The following U2SURP variants were observed in gnomAD, a reference collection of about 807,000 sequenced individuals.
U2SURP encodes U2 snRNP-associated SURP motif-containing protein.
In U2SURP, 9 loss-of-function variants were observed where a neutral mutation model predicts 144.9. The observed-to-expected ratio is 0.06, with a 90% CI of 0.04 to 0.11. U2SURP has a LOEUF of 0.11. Ranked by LOEUF, U2SURP falls within the 10% of genes least tolerant of loss-of-function variation. The pLI, the probability that U2SURP is intolerant of heterozygous loss-of-function variation, is 1.00. For missense variants in U2SURP, 724 were observed against 1,226.7 expected, an observed-to-expected ratio of 0.59 and a Z score of 6.12; for synonymous variants, 408 against 396.8, an observed-to-expected ratio of 1.03 and a Z score of -0.33.
Position 143,036,032 on chromosome 3 carries a change from A to T in U2SURP, c.1992A>T (p.Pro664=). The T allele has an allele frequency of 6.2e-7, 1 of 1,610,790 alleles. No individual in the cohort carries two copies. The highest frequency in any genetic ancestry group is 8.5e-7 in the Non-Finnish European group (1 of 1,178,906). Residue 664 remains proline, a synonymous_variant, in exon 20 of 28, where the codon CCA becomes CCT. Coordinates refer to ENST00000473835, the MANE Select transcript of U2SURP (RefSeq NM_001080415.2). ...CATGGGAAGATTGGGCAATTTATCC[A>T]GAACCATTTTTGATCAAACTACAAA... ...FRAWEDWAIY[P]EPFLIKLQNI... is the part of the protein sequence containing the mutation.
intron 23 of U2SURP, among the ~76,000 whole-genome samples, chr3:143,039,805 A>C (rs532967722): frequency 5.9e-5 from 9 of 152,030 alleles, no homozygotes; most frequent in African/African-American, 1.9e-4. Flanking sequence ...AATGTGATCA[A>C]TCAGCAGGCT....
chr3:143,012,646 T>C (rs986644279), intron 3 of U2SURP, among the ~76,000 whole-genome samples: 5 of 152,178 alleles, frequency 3.3e-5, no homozygotes, highest in Admixed American at 2.6e-4. Context: ...CACTTAAACA[T>C]TTATTGAACC....
intron 18 of U2SURP, chr3:143,034,632 C>T (rs566606107): frequency 2.2e-4 from 59 of 273,474 alleles, no homozygotes; most frequent in Non-Finnish European, 3.3e-4. Context: ...TTCAGCATAT[C>T]CTAGATATAA....
chr3:143,045,240 G>C (rs905701673), intron 24 of U2SURP, among the ~76,000 whole-genome samples: 1 of 151,958 alleles, frequency 6.6e-6, no homozygotes, highest in African/African-American at 2.4e-5. Context: ...ATGGTGACGG[G>C]CACCTGTAGT....
In U2SURP at chr3:143,054,951, G is replaced by A; in HGVS notation, c.2783G>A (p.Arg928Gln). The A allele has an allele frequency of 6.3e-7, 1 of 1,598,190 alleles. No homozygotes were observed. Among genetic ancestry groups the A allele is most frequent in the Non-Finnish European group, 8.5e-7 (1 of 1,175,132 alleles). The change falls in exon 27 of 28, where the codon CGA becomes CAA. Residue 928 changes from arginine (R) to glutamine (Q), a missense_variant. Around this residue, in one of 13 missense-constraint regions of U2SURP, gnomAD observed 129 missense variants for 196.1 expected, o/e 0.66. Coordinates refer to ENST00000473835, the MANE Select transcript of U2SURP (RefSeq NM_001080415.2). ...CTPTRKERKR[R>Q]HSTSPSPSRS... is the part of the protein sequence containing the mutation. ...GGGGCTTTGTTCCATAGGAAGAGGC[G>A]ACACAGTACATCCCCCAGCCCATCT...
chr3:143,030,685 TCCTCC>T (rs1933430211), intron 16 of U2SURP, among the ~76,000 whole-genome samples: 1 of 152,138 alleles, frequency 6.6e-6, no homozygotes, highest in Non-Finnish European at 1.5e-5. Context: ...AGATAGTGAT[TCCTCC>T]AGTGGGTCTG....
intron 24 of U2SURP, among the ~76,000 whole-genome samples, chr3:143,049,036 C>T (rs916055006): frequency 4.0e-5 from 6 of 151,048 alleles, no homozygotes; most frequent in Non-Finnish European, 7.4e-5. Flanking sequence ...GGGTGTATCA[C>T]CTGAGGTCAG....
intron 19 of U2SURP, 98 bp from the exon 20 acceptor site, chr3:143,035,884 A>G (rs1257203919): frequency 3.2e-5 from 43 of 1,326,560 alleles, no homozygotes; most frequent in Non-Finnish European, 4.0e-5. Context: ...ATCAGTTTAA[A>G]GGCAAATTTA....
chr3:143,006,400 ACT>A (rs1444723944), intron 1 of U2SURP, among the ~76,000 whole-genome samples: 1 of 152,064 alleles, frequency 6.6e-6, no homozygotes, highest in African/African-American at 2.4e-5. Flanking sequence ...GTATATTGAG[ACT>A]CTGTCGCTTG....
intron 24 of U2SURP, among the ~76,000 whole-genome samples, chr3:143,048,120 G>T (rs1419951293): frequency 6.6e-6 from 1 of 152,210 alleles, no homozygotes; most frequent in African/African-American, 2.4e-5. Flanking sequence ...GAACAGTTGA[G>T]TTGGAAGGTG....
At chr3:143,046,954 T>G (rs9706761) in intron 24 of U2SURP, among the ~76,000 whole-genome samples, 2 of 91,562 alleles carry the variant, frequency 2.2e-5, no homozygotes, top group African/African-American at 5.3e-5. Context: ...GGGGCTGACC[T>G]CCCCCACCTC....
At chr3:143,033,439 C>A (rs1933617764) in intron 18 of U2SURP, 89 bp downstream of exon 18, 4 of 707,322 alleles carry the variant, frequency 5.7e-6, no homozygotes, top group Non-Finnish European at 9.3e-6. Flanking sequence ...TAACATCCTG[C>A]AAGAATAAGA....
chr3:143,044,289 C>CTTTTTTTTTTTTTTTTTTTTTT (rs56916268), intron 24 of U2SURP, among the ~76,000 whole-genome samples: 4 of 81,376 alleles, frequency 4.9e-5, no homozygotes, highest in African/African-American at 1.7e-4. Flanking sequence ...CTCCCCTCTC[C>CTTTTTTTTTTTTTTTTTTTTTT]TTTTTTTTTT....
At chr3:143,048,675 A>T (rs1489837120) in intron 24 of U2SURP, among the ~76,000 whole-genome samples, 5 of 152,192 alleles carry the variant, frequency 3.3e-5, no homozygotes, top group African/African-American at 1.2e-4. Context: ...AGGTGGGCGG[A>T]TCACTTGAAG....
At chr3:143,020,186 A>G (rs1333758264) in intron 7 of U2SURP, 150 bp downstream of exon 7, 17 of 533,246 alleles carry the variant, frequency 3.2e-5, no homozygotes, top group Middle Eastern at 8.7e-4. Context: ...TTGGTGGGCT[A>G]TCTTTGAAAA....
Position 143,057,818 on chromosome 3 carries a change from T to G in U2SURP, c.*1368T>G, listed in dbSNP as rs1021144485. The stretch of plus-strand genomic sequence containing the variant: ...AAAAAATCTTTTCAACTTGTTTTAC[T>G]TAATCTTGCCTAGTCACAAAATAAG... On this transcript the variant is annotated 3_prime_UTR_variant, in exon 28 of 28. Coordinates refer to ENST00000473835, the MANE Select transcript of U2SURP (RefSeq NM_001080415.2). 6.6e-6 allele frequency: 1 copy of G among 152,400 alleles called. No individual in the cohort carries two copies. The highest frequency in any genetic ancestry group is 2.4e-5 in the African/African-American group (1 of 41,442). 9.4% of individuals were successfully genotyped at this position (152,400 alleles called of 1,614,324 possible).
chr3:143,035,005 T>C, intron 19 of U2SURP, 30 bp downstream of exon 19: 1 of 475,144 alleles, frequency 2.1e-6, no homozygotes, highest in Non-Finnish European at 3.5e-6. Flanking sequence ...ATTTTTGCCC[T>C]AGTGTTTTAA....
chr3:143,040,950 A>G (rs573567176), intron 23 of U2SURP, among the ~76,000 whole-genome samples: 64 of 151,948 alleles, frequency 4.2e-4, no homozygotes, highest in African/African-American at 1.5e-3. Context: ...TTTTCATTCA[A>G]TGTCATTGGT....
intron 3 of U2SURP, among the ~76,000 whole-genome samples, chr3:143,012,914 G>C (rs1010237369): frequency 6.6e-6 from 1 of 152,080 alleles, no homozygotes; most frequent in Non-Finnish European, 1.5e-5. Context: ...ACATAACACA[G>C]TCATCACCAG....
Sources: allele counts gnomAD v4.1 joint callset (sites outside exome capture counted in the v4.1 genomes callset), GRCh38; gene constraint gnomAD v4.1.1; regional missense constraint gnomAD v4.1.1; transcripts MANE v1.5; gene names NCBI Gene and HGNC (gene_info 2026-07-23, HGNC 2026-07-21).